Variants in ANKRD33B observed in about 807,000 individuals in gnomAD.
ANKRD33B encodes ankyrin repeat domain 33B.
Under a neutral mutation model 21.5 loss-of-function variants are expected in ANKRD33B, and 6 were observed. That is an observed-to-expected ratio of 0.28 (90% CI 0.15 to 0.55). The LOEUF (loss-of-function observed/expected upper bound fraction) is 0.55. Among genes scored for constraint, ANKRD33B ranks in the 20% least tolerant of loss-of-function variants. The pLI is 0.94. For synonymous variants in ANKRD33B, 347 were observed against 342.4 expected, an observed-to-expected ratio of 1.01 and a Z score of -0.15; for missense variants, 698 against 747.2, an observed-to-expected ratio of 0.93 and a Z score of 0.77.
chr5:10,581,347 T>C (rs1288959731), intron 1 of ANKRD33B, among the ~76,000 whole-genome samples: 1 of 152,238 alleles, frequency 6.6e-6, no homozygotes, highest in Non-Finnish European at 1.5e-5. Flanking sequence ...CCAGGTGTCC[T>C]AGGGGAGAGC....
At chr5:10,581,409 G>A (rs767093504) in intron 1 of ANKRD33B, among the ~76,000 whole-genome samples, 27 of 152,330 alleles carry the variant, frequency 1.8e-4, no homozygotes, top group Middle Eastern at 3.4e-3. Flanking sequence ...CCAACACCGT[G>A]GCTCCTAGGA....
intron 1 of ANKRD33B, among the ~76,000 whole-genome samples, chr5:10,606,553 G>A (rs1560971617): frequency 1.3e-5 from 2 of 152,040 alleles, no homozygotes; most frequent in African/African-American, 4.8e-5. Flanking sequence ...GGCCAACATG[G>A]TGAAGCCCTG....
At chr5:10,569,984 C>A (rs1189370468) in intron 1 of ANKRD33B, among the ~76,000 whole-genome samples, 4 of 152,214 alleles carry the variant, frequency 2.6e-5, no homozygotes, top group Non-Finnish European at 5.9e-5. Context: ...TCAAGCGATT[C>A]TCCCGACTCA....
intron 1 of ANKRD33B, among the ~76,000 whole-genome samples, chr5:10,593,565 C>T (rs1051445283): frequency 1.3e-5 from 2 of 152,064 alleles, no homozygotes; most frequent in African/African-American, 2.4e-5. Context: ...CCAACCCCAC[C>T]CTGGGTCAAC....
At chr5:10,602,325 G>A (rs1420829346) in intron 1 of ANKRD33B, among the ~76,000 whole-genome samples, 2 of 152,246 alleles carry the variant, frequency 1.3e-5, no homozygotes, top group Non-Finnish European at 2.9e-5. Flanking sequence ...GCTCCCAGGG[G>A]ACGCTGATGC....
intron 1 of ANKRD33B, among the ~76,000 whole-genome samples, chr5:10,582,471 G>C (rs1393325766): frequency 6.6e-6 from 1 of 152,118 alleles, no homozygotes; most frequent in Non-Finnish European, 1.5e-5. Context: ...CCCCCGCCCT[G>C]GAGTCTCTCA....
chr5:10,630,027 A>G (rs1317397327), intron 2 of ANKRD33B, among the ~76,000 whole-genome samples: 4 of 151,196 alleles, frequency 2.6e-5, no homozygotes, highest in East Asian at 1.9e-4. Flanking sequence ...GCGGAGTTGA[A>G]TGGTTGATGG....
intron 1 of ANKRD33B, among the ~76,000 whole-genome samples, chr5:10,602,322 G>T (rs1319440934): frequency 6.6e-6 from 1 of 152,272 alleles, no homozygotes; most frequent in Non-Finnish European, 1.5e-5. Context: ...CACGCTCCCA[G>T]GGGACGCTGA....
chr5:10,613,990 C>CGTGTGTGTGTGTGTGTGT lies in ANKRD33B; in HGVS notation c.367-4324_367-4307dup, dbSNP rs59864065. On this transcript the variant is annotated intron_variant, in intron 1 of 3. Transcript: ENST00000296657. ...ATTAGTCAGGGGTCTCCAGAGAAAT[C>CGTGTGTGTGTGTGTGTGT]GTGTGTGTGTGTGTGTGTGTGTGTG... 5.9e-4 allele frequency among the ~76,000 whole-genome samples: 84 copies of CGTGTGTGTGTGTGTGTGT among 141,384 alleles called. 1 individual carries two copies. Among genetic ancestry groups the CGTGTGTGTGTGTGTGTGT allele is most frequent in the African/African-American group, 1.8e-3 (67 of 37,306 alleles). 92.8% of individuals were successfully genotyped at this position (141,384 alleles called of 152,430 possible).
chr5:10,584,047 G>C (rs981379978), intron 1 of ANKRD33B, among the ~76,000 whole-genome samples: 2 of 152,168 alleles, frequency 1.3e-5, no homozygotes, highest in Non-Finnish European at 2.9e-5. Flanking sequence ...CCTAGAAGAC[G>C]AGTGGTGGCA....
intron 1 of ANKRD33B, among the ~76,000 whole-genome samples, chr5:10,603,175 T>G (rs891263578): frequency 6.6e-6 from 1 of 152,090 alleles, no homozygotes; most frequent in African/African-American, 2.4e-5. Context: ...GCTTTCTGTC[T>G]TCTGTACAGT....
At chr5:10,574,356 CA>C (rs1057491747) in intron 1 of ANKRD33B, among the ~76,000 whole-genome samples, 1 of 151,016 alleles carries the variant, frequency 6.6e-6, no homozygotes, top group Non-Finnish European at 1.5e-5. Flanking sequence ...CAAGAAAATT[CA>C]AAAAAATGGT....
intron 2 of ANKRD33B, among the ~76,000 whole-genome samples, chr5:10,622,933 A>C (rs1736455566): frequency 6.6e-6 from 1 of 152,078 alleles, no homozygotes; most frequent in Non-Finnish European, 1.5e-5. Context: ...CAAAGGAAGA[A>C]GGAAAGGGCT....
intron 3 of ANKRD33B, among the ~76,000 whole-genome samples, 169 bp from the exon 4 acceptor site, chr5:10,649,097 G>A (rs1347057601): frequency 1.7e-5 from 2 of 120,750 alleles, no homozygotes; most frequent in African/African-American, 6.4e-5. Flanking sequence ...CCGCCTTCCG[G>A]CGCTCAGATG....
rs2126617214 is a variant in ANKRD33B, at chr5:10,655,585, T to A, written c.*5472T>A. 6.6e-6 allele frequency: 1 copy of A among 152,542 alleles called. No homozygotes were observed. Among genetic ancestry groups the A allele is most frequent in the South Asian group, 2.1e-4 (1 of 4,832 alleles). 9.4% of individuals were successfully genotyped at this position (152,542 alleles called of 1,614,324 possible). A position where few individuals can be genotyped will look rare whatever the true frequency, so the allele number is the denominator to read the frequency against. On this transcript the variant is annotated 3_prime_UTR_variant, in exon 4 of 4. Coordinates refer to ENST00000296657, the MANE Select transcript of ANKRD33B (RefSeq NM_001164440.2). The stretch of plus-strand genomic sequence containing the variant: ...CGCCGGAGACGCAGGCTTGCTCATT[T>A]CCGTCCTGACACAGCTCGCTGTTCC...
intron 2 of ANKRD33B, among the ~76,000 whole-genome samples, chr5:10,624,377 A>C (rs1177275138): frequency 6.6e-6 from 1 of 151,740 alleles, no homozygotes; most frequent in Non-Finnish European, 1.5e-5. Context: ...TGATCCGCCC[A>C]CCTTGGCCTC....
intron 3 of ANKRD33B, among the ~76,000 whole-genome samples, chr5:10,643,022 A>T (rs1737100755): frequency 6.6e-6 from 1 of 152,110 alleles, no homozygotes. Flanking sequence ...CTCTTGCTTC[A>T]GCCTCCTGAG....
intron 2 of ANKRD33B, among the ~76,000 whole-genome samples, chr5:10,622,840 T>A (rs1274036906): frequency 6.9e-6 from 1 of 145,648 alleles, no homozygotes; most frequent in Non-Finnish European, 1.5e-5. Context: ...CTCATTCTTC[T>A]GCAGGGACTG....
In ANKRD33B at chr5:10,592,624, C is replaced by CAA. The variant is rs35505524; in HGVS notation, c.367-25697_367-25696dup. ...CCTGGGCAACAGAGTGAGACTCTGT[C>CAA]AAAAAAAAAAAAAGAAGAAGAAAAA... On this transcript the variant is annotated intron_variant, in intron 1 of 3. Transcript: ENST00000296657. Among the ~76,000 whole-genome samples the CAA allele has an allele frequency of 2.4e-3, 318 of 134,940 alleles. 1 individual carries two copies. The highest frequency in any genetic ancestry group is 0.011 in the Middle Eastern group (3 of 268). The allele number at this position is 134,940 out of a possible 152,430, so 88.5% of individuals were successfully genotyped here.
Sources: gnomAD v4.1 joint callset for allele counts (sites outside exome capture counted in the v4.1 genomes callset) on GRCh38, gnomAD v4.1.1 for gene constraint, MANE v1.5 for transcripts, NCBI Gene and HGNC (gene_info 2026-07-23, HGNC 2026-07-21) for gene names.